Variants in SEMA3C observed in about 807,000 individuals in gnomAD.
SEMA3C encodes the protein semaphorin-3C.
In SEMA3C, 47 loss-of-function variants were observed where a neutral mutation model predicts 89.4. That is an observed-to-expected ratio of 0.53 (90% CI 0.42 to 0.67). SEMA3C has a LOEUF of 0.67. Among genes scored for constraint, SEMA3C ranks in the 30% least tolerant of loss-of-function variants. The pLI is 0.00. For synonymous variants in SEMA3C, 310 were observed against 320.2 expected, an observed-to-expected ratio of 0.97 and a Z score of 0.34; for missense variants, 839 against 929.1, an observed-to-expected ratio of 0.90 and a Z score of 1.26.
intron 2 of SEMA3C, among the ~76,000 whole-genome samples, chr7:80,909,294 G>C (rs1267386618): frequency 1.3e-5 from 2 of 152,078 alleles, no homozygotes; most frequent in African/African-American, 2.4e-5. Context: ...CTTCTCTGAG[G>C]AACAGAAATC....
chr7:80,750,692 C>T (rs141024791), intron 16 of SEMA3C, among the ~76,000 whole-genome samples: 2,159 of 151,534 alleles, frequency 0.014, 44 homozygotes, highest in South Asian at 0.11. Context: ...AAGTTGAATT[C>T]ATAAGAATTC....
upstream of SEMA3C, chr7:80,919,201 C>G (rs955218159): frequency 1.1e-5 from 11 of 984,966 alleles, no homozygotes; most frequent in Admixed American, 1.9e-4. Context: ...GCCGCGAGGC[C>G]CCACCCCGAG....
At chr7:80,913,654 T>A (rs10954403) in intron 2 of SEMA3C, among the ~76,000 whole-genome samples, 82,783 of 152,024 alleles carry the variant, frequency 0.54, 24,788 homozygotes, top group South Asian at 0.7. Context: ...TTAGACCAAT[T>A]ACAAAAGAAA....
Position 80,898,898 on chromosome 7 carries a change from A to C in SEMA3C, c.103+17781T>G, listed in dbSNP as rs1211214800. Among the ~76,000 whole-genome samples, 5 of 152,254 alleles carry C rather than the reference A, an allele frequency of 3.3e-5. No individual in the cohort carries two copies. The East Asian group carries it at 9.6e-4, about 29-fold the overall frequency. On this transcript the variant is annotated intron_variant, in intron 2 of 17. Coordinates refer to ENST00000265361, the MANE Select transcript of SEMA3C (RefSeq NM_006379.5). The stretch of plus-strand genomic sequence containing the variant: ...ATGAATTCTATCCCAAAGTCTTTCA[A>C]CATGGCCTAAATTGGTTTATAGGTG...
At chr7:80,763,736 T>C (rs1788236459) in intron 13 of SEMA3C, among the ~76,000 whole-genome samples, 1 of 152,218 alleles carries the variant, frequency 6.6e-6, no homozygotes, top group Non-Finnish European at 1.5e-5. Flanking sequence ...TCTTCAAGAA[T>C]ACTCCAGAAT....
At chr7:80,909,668 T>G (rs1287058802) in intron 2 of SEMA3C, among the ~76,000 whole-genome samples, 1 of 152,112 alleles carries the variant, frequency 6.6e-6, no homozygotes, top group Non-Finnish European at 1.5e-5. Flanking sequence ...GAGTGGAATA[T>G]TCTAGGGATT....
chr7:80,867,780 C>G (rs1376110111), intron 2 of SEMA3C, among the ~76,000 whole-genome samples: 1 of 152,216 alleles, frequency 6.6e-6, no homozygotes, highest in South Asian at 2.1e-4. Context: ...GAAGGAAACA[C>G]TCAAAATCTT....
At chr7:80,914,579 T>TA (rs2116252205) in intron 2 of SEMA3C, among the ~76,000 whole-genome samples, 1 of 152,320 alleles carries the variant, frequency 6.6e-6, no homozygotes, top group South Asian at 2.1e-4. Context: ...TCACTGTTGA[T>TA]ACATCTCTTT....
At chr7:80,880,731 C>T (rs1211888435) in intron 2 of SEMA3C, among the ~76,000 whole-genome samples, 2 of 152,126 alleles carry the variant, frequency 1.3e-5, no homozygotes, top group Admixed American at 1.3e-4. Flanking sequence ...TCCAGATCAG[C>T]CTGGCCACCA....
intron 2 of SEMA3C, chr7:80,847,356 C>T (rs1487897655): frequency 1.3e-5 from 2 of 152,130 alleles, no homozygotes; most frequent in Admixed American, 6.6e-5. Context: ...CTGTAGTATA[C>T]AATAAGAGTA....
In SEMA3C at chr7:80,744,626, T is replaced by C; in HGVS notation, c.*268A>G. The C allele has an allele frequency of 4.5e-6, 2 of 444,212 alleles. No individual in the cohort carries two copies. 27.5% of individuals were successfully genotyped at this position (444,212 alleles called of 1,614,324 possible). A position where few individuals can be genotyped will look rare whatever the true frequency, so the allele number is the denominator to read the frequency against. On this transcript the variant is annotated 3_prime_UTR_variant, in exon 18 of 18. Transcript: ENST00000265361. ...TCTAGTTTTGCAGCCACCATATCGA[T>C]TTTGAAGAAAAGGTGAATAAAGATA...
intron 16 of SEMA3C, among the ~76,000 whole-genome samples, chr7:80,750,473 T>TATATACACACACACACAC (rs869227686): frequency 3.8e-4 from 21 of 55,448 alleles, no homozygotes; most frequent in Non-Finnish European, 6.7e-4. Flanking sequence ...TATATATATA[T>TATATACACACACACACAC]ACACACACAC....
At chr7:80,896,883 G>T (rs1010332501) in intron 2 of SEMA3C, among the ~76,000 whole-genome samples, 3 of 152,100 alleles carry the variant, frequency 2.0e-5, no homozygotes, top group Non-Finnish European at 4.4e-5. Flanking sequence ...TCCAATGTCT[G>T]CTTTCTCCCT....
At chr7:80,863,945 ATG>A in intron 2 of SEMA3C, among the ~76,000 whole-genome samples, 3 of 141,422 alleles carry the variant, frequency 2.1e-5, no homozygotes, top group Non-Finnish European at 3.1e-5. Flanking sequence ...CATATATAAT[ATG>A]TATATCACAT....
intron 5 of SEMA3C, among the ~76,000 whole-genome samples, chr7:80,813,896 A>G (rs534155415): frequency 1.3e-5 from 2 of 152,144 alleles, no homozygotes; most frequent in Non-Finnish European, 2.9e-5. Flanking sequence ...ACACTTATTG[A>G]TAAGATCTTT....
At chr7:80,757,360 C>T (rs913975838) in intron 15 of SEMA3C, among the ~76,000 whole-genome samples, 4 of 152,206 alleles carry the variant, frequency 2.6e-5, no homozygotes, top group Admixed American at 6.5e-5. Context: ...AATTTCTCTA[C>T]TCATGGTTCC....
intron 2 of SEMA3C, among the ~76,000 whole-genome samples, chr7:80,912,998 TA>T (rs1223356568): frequency 6.6e-6 from 1 of 152,226 alleles, no homozygotes; most frequent in East Asian, 1.9e-4. Context: ...AGATGTTTTA[TA>T]AAATTCCATA....
At chr7:80,837,644 A>C (rs912107672) in intron 2 of SEMA3C, among the ~76,000 whole-genome samples, 1 of 152,170 alleles carries the variant, frequency 6.6e-6, no homozygotes, top group African/African-American at 2.4e-5. Context: ...GGACCTTTGT[A>C]CATGTTGTTC....
chr7:80,793,272 C>T, intron 11 of SEMA3C: 1 of 207,688 alleles, frequency 4.8e-6, no homozygotes, highest in Non-Finnish European at 9.8e-6. Context: ...TTGTCCTTAC[C>T]AAACTTGCTT....
Sources: allele counts gnomAD v4.1 joint callset (sites outside exome capture counted in the v4.1 genomes callset), GRCh38; gene constraint gnomAD v4.1.1; transcripts MANE v1.5; gene names NCBI Gene and HGNC (gene_info 2026-07-23, HGNC 2026-07-21).